Variants in RALGPS1 observed in about 807,000 individuals in gnomAD.
The protein encoded by RALGPS1 is ras-specific guanine nucleotide-releasing factor RalGPS1.
Under a neutral mutation model 78.8 loss-of-function variants are expected in RALGPS1, and 19 were observed. That is an observed-to-expected ratio of 0.24 (90% confidence interval 0.17 to 0.35). The LOEUF (loss-of-function observed/expected upper bound fraction) is 0.35. RALGPS1 is among the 10% of genes least tolerant of loss of function. The pLI is 1.00. For synonymous variants in RALGPS1, 228 were observed against 256.3 expected, an observed-to-expected ratio of 0.89 and a Z score of 1.06; for missense variants, 454 against 688.3, an observed-to-expected ratio of 0.66 and a Z score of 3.81.
Position 127,039,266 on chromosome 9 carries a change from G to A in RALGPS1, c.300+4752G>A, listed in dbSNP as rs2047097883. ...GCAACCTGGGAGCAGAACACTTGGT[G>A]ATATGGAAAGGGCAGTATCTGGAAA... On this transcript the variant is annotated intron_variant, in intron 5 of 18. Transcript: ENST00000259351. Among the ~76,000 whole-genome samples, 2 of 152,158 alleles carry A rather than the reference G, an allele frequency of 1.3e-5. 1 individual carries two copies. Among genetic ancestry groups the A allele is most frequent in the South Asian group, 4.1e-4 (2 of 4,824 alleles).
At chr9:127,138,818 A>C (rs2057575650) in intron 8 of RALGPS1, among the ~76,000 whole-genome samples, 1 of 152,188 alleles carries the variant, frequency 6.6e-6, no homozygotes, top group East Asian at 1.9e-4. Flanking sequence ...CTGATGTGAC[A>C]TCCATTAGGA....
At chr9:127,104,365 G>A (rs1353491738) in intron 8 of RALGPS1, among the ~76,000 whole-genome samples, 1 of 152,210 alleles carries the variant, frequency 6.6e-6, no homozygotes, top group Non-Finnish European at 1.5e-5. Flanking sequence ...ACAGTACCAG[G>A]CCTCCCAGAA....
rs117405343 is a variant in RALGPS1 at position 127,119,284 on chromosome 9, G to A, written c.611-46785G>A. On this transcript the variant is annotated intron_variant, in intron 8 of 18. Coordinates refer to ENST00000259351, the MANE Select transcript of RALGPS1 (RefSeq NM_014636.3). ...AGAAGTAGGCTTCCATGAAGAGCAA[G>A]GGATGCGCTAAAGTTGAGTAAGTCC... Among the ~76,000 whole-genome samples, 429 of 152,342 alleles carry A rather than the reference G, an allele frequency of 2.8e-3. 1 individual carries two copies. The highest frequency in any genetic ancestry group is 5.6e-3 in the Non-Finnish European group (381 of 68,030).
intron 8 of RALGPS1, chr9:127,088,772 C>T (rs746814997): frequency 1.6e-5 from 12 of 740,676 alleles, no homozygotes; most frequent in Non-Finnish European, 2.2e-5. Context: ...AACACCGTAT[C>T]GATTCAGTTC....
chr9:127,138,990 G>A (rs2057588862), intron 8 of RALGPS1, among the ~76,000 whole-genome samples: 2 of 152,142 alleles, frequency 1.3e-5, no homozygotes, highest in South Asian at 4.1e-4. Context: ...GGGATTCCTG[G>A]TTTGAGATTT....
chr9:127,021,497 C>CA (rs397690141), intron 4 of RALGPS1, among the ~76,000 whole-genome samples: 51,227 of 113,338 alleles, frequency 0.45, 10,829 homozygotes, highest in Non-Finnish European at 0.53. Context: ...GACTCTGTCT[C>CA]AAAAAAAAAA....
intron 4 of RALGPS1, among the ~76,000 whole-genome samples, chr9:127,008,083 G>C (rs1474278183): frequency 2.6e-5 from 4 of 151,128 alleles, no homozygotes; most frequent in African/African-American, 7.3e-5. Flanking sequence ...TGTTGTGAGA[G>C]AGGGAGGAGT....
intron 4 of RALGPS1, among the ~76,000 whole-genome samples, chr9:127,013,809 C>T (rs1168897278): frequency 6.6e-6 from 1 of 152,198 alleles, no homozygotes; most frequent in African/African-American, 2.4e-5. Flanking sequence ...CTCTGATTCA[C>T]CTCCTCTGGC....
At chr9:127,004,688 G>T (rs1205551247) in intron 4 of RALGPS1, among the ~76,000 whole-genome samples, 1 of 152,144 alleles carries the variant, frequency 6.6e-6, no homozygotes, top group African/African-American at 2.4e-5. Context: ...CTTAGCTTAA[G>T]TTGGAAAATG....
At chr9:127,203,337 GAAAACAT>G (rs1236231306) in intron 14 of RALGPS1, among the ~76,000 whole-genome samples, 1 of 152,164 alleles carries the variant, frequency 6.6e-6, no homozygotes, top group African/African-American at 2.4e-5. Flanking sequence ...CTGTATAAAA[GAAAACAT>G]AATCAGAAAT....
At chr9:127,087,053 C>A (rs1047745805) in intron 8 of RALGPS1, among the ~76,000 whole-genome samples, 1 of 152,154 alleles carries the variant, frequency 6.6e-6, no homozygotes, top group Non-Finnish European at 1.5e-5. Context: ...AAGAAAGGTA[C>A]GTCAGGTGTT....
intron 1 of RALGPS1, among the ~76,000 whole-genome samples, chr9:126,954,496 C>T (rs910250006): frequency 6.6e-6 from 1 of 152,206 alleles, no homozygotes; most frequent in Non-Finnish European, 1.5e-5. Context: ...GCTCAACACT[C>T]TCTAGCACAG....
intron 1 of RALGPS1, among the ~76,000 whole-genome samples, chr9:126,958,763 T>G (rs968191216): frequency 1.1e-4 from 16 of 152,212 alleles, no homozygotes; most frequent in Admixed American, 1.0e-3. Flanking sequence ...TATGTTTTCT[T>G]TTTTTAGGTA....
intron 8 of RALGPS1, among the ~76,000 whole-genome samples, chr9:127,119,569 G>A (rs562891936): frequency 6.6e-6 from 1 of 152,342 alleles, no homozygotes; most frequent in Admixed American, 6.5e-5. Flanking sequence ...AAAATGGGAT[G>A]CTAAAACTAG....
intron 8 of RALGPS1, among the ~76,000 whole-genome samples, chr9:127,095,858 T>C (rs2136590877): frequency 6.6e-6 from 1 of 152,338 alleles, no homozygotes; most frequent in Non-Finnish European, 1.5e-5. Context: ...AAGCCTTGTG[T>C]TTGAGCATTC....
intron 12 of RALGPS1, 118 bp from the exon 13 acceptor site, chr9:127,196,356 C>G (rs571362924): frequency 1.9e-5 from 22 of 1,185,022 alleles, no homozygotes; most frequent in Non-Finnish European, 2.5e-5. Flanking sequence ...TGTACCGTGG[C>G]TCTGGGTGGA....
chr9:127,213,840 T>C (rs2062423301), intron 17 of RALGPS1: 1 of 152,260 alleles, frequency 6.6e-6, no homozygotes, highest in Non-Finnish European at 1.5e-5. Flanking sequence ...GAGACCAAGA[T>C]TCTGCATTTC....
Position 126,986,588 on chromosome 9 carries a change from T to C in RALGPS1, c.216+8843T>C, listed in dbSNP as rs1363467144. ...GTCAGTATGTCCAGTTCCCAGCCTA[T>C]GGAGTTGAAGGCGCAGCAGTGTCTC... On this transcript the variant is annotated intron_variant, in intron 4 of 18. Transcript: ENST00000259351. 3.3e-5 allele frequency among the ~76,000 whole-genome samples: 5 copies of C among 152,354 alleles called. 1 individual carries two copies. In the East Asian group the frequency reaches 5.8e-4, roughly 18 times the overall value.
chr9:127,132,941 T>A (rs1487914268), intron 8 of RALGPS1, among the ~76,000 whole-genome samples: 1 of 152,202 alleles, frequency 6.6e-6, no homozygotes, highest in Non-Finnish European at 1.5e-5. Context: ...GACTTTTAGG[T>A]CCAAATCCCA....
Sources: allele counts gnomAD v4.1 joint callset (sites outside exome capture counted in the v4.1 genomes callset), GRCh38; gene constraint gnomAD v4.1.1; transcripts MANE v1.5; gene names NCBI Gene and HGNC (gene_info 2026-07-23, HGNC 2026-07-21).